Variants in STK32B observed in about 807,000 individuals in gnomAD.
The protein encoded by STK32B is serine/threonine-protein kinase 32B.
A neutral mutation model predicts 52.6 loss-of-function variants in STK32B; 43 were observed. The ratio of observed to expected loss-of-function variants is 0.82; its 90% confidence interval spans 0.64 to 1.05. The LOEUF (loss-of-function observed/expected upper bound fraction) is 1.05, where lower values mean the gene tolerates loss of function less well. STK32B is among the 50% of genes least tolerant of loss of function. The pLI is 0.00. For synonymous variants in STK32B, 238 were observed against 204.3 expected (o/e 1.17, Z -1.41); for missense variants, 621 against 534.6 (o/e 1.16, Z -1.59).
At chr4:5,117,228 G>T (rs1714779339) in intron 1 of STK32B, among the ~76,000 whole-genome samples, 1 of 152,200 alleles carries the variant, frequency 6.6e-6, no homozygotes, top group South Asian at 2.1e-4. Context: ...GGTCTTAGAG[G>T]AAAGAGCCTT....
rs1008402840 is a variant in STK32B, at chr4:5,380,360, G to T, written c.435-17847G>T. Among the ~76,000 whole-genome samples the T allele has an allele frequency of 3.3e-5, 5 of 152,020 alleles. No homozygotes were observed. The highest frequency in any genetic ancestry group is 7.4e-5 in the Non-Finnish European group (5 of 68,012). On this transcript the variant is annotated intron_variant, in intron 4 of 11. Coordinates refer to ENST00000282908, the MANE Select transcript of STK32B (RefSeq NM_018401.3). This position sits in a 1 kb window ranked among gnomAD's most constrained non-coding sequence, Gnocchi z 4.3. ...AACGCTACCCAAGAGAATGCAAAAG[G>T]CCAGGCTTCTGCATTTAAAATTATA...
At chr4:5,110,302 C>T (rs1331479689) in intron 1 of STK32B, among the ~76,000 whole-genome samples, 1 of 140,906 alleles carries the variant, frequency 7.1e-6, no homozygotes, top group Non-Finnish European at 1.5e-5. Context: ...CGCAAATGAC[C>T]AAAGCACTCC....
intron 3 of STK32B, among the ~76,000 whole-genome samples, chr4:5,291,232 G>A (rs1728874880): frequency 6.6e-6 from 1 of 152,092 alleles, no homozygotes; most frequent in African/African-American, 2.4e-5. Flanking sequence ...GAAAATAATT[G>A]TGTTGAATCT....
intron 6 of STK32B, among the ~76,000 whole-genome samples, chr4:5,445,973 T>C (rs1477310941): frequency 6.6e-6 from 1 of 152,102 alleles, no homozygotes; most frequent in Non-Finnish European, 1.5e-5. Context: ...TAAGTGTCCA[T>C]TTCTCAAGGT....
chr4:5,028,635 T>C, the STK32B span, among the ~76,000 whole-genome samples: 1 of 152,196 alleles, frequency 6.6e-6, no homozygotes, highest in Non-Finnish European at 1.5e-5. Context: ...ATTCATGTGG[T>C]TGATGCTCTA....
At chr4:5,192,753 C>CCT (rs10671286) in intron 3 of STK32B, among the ~76,000 whole-genome samples, 1 of 151,302 alleles carries the variant, frequency 6.6e-6, no homozygotes, top group Non-Finnish European at 1.5e-5. Context: ...GTTCTACTCT[C>CCT]GGCAAATTTC....
intron 3 of STK32B, among the ~76,000 whole-genome samples, chr4:5,242,514 C>T (rs1324121766): frequency 6.6e-6 from 1 of 152,036 alleles, no homozygotes; most frequent in Non-Finnish European, 1.5e-5. Context: ...AAATTTTCTC[C>T]CATTCTGTGG....
chr4:5,453,507 C>G lies in STK32B; in HGVS notation c.667-3300C>G, dbSNP rs1197888257. On this transcript the variant is annotated intron_variant, in intron 7 of 11. Transcript: ENST00000282908. The surrounding 1 kb of genome is among the most constrained non-coding windows in gnomAD (Gnocchi z 4.0). ...TGAAATGAGGGATGAAGTGCCCCAT[C>G]ATTGTCCAGGGTCTTTGCACCTCCT... 2.0e-5 allele frequency among the ~76,000 whole-genome samples: 3 copies of G among 152,204 alleles called. No homozygotes were observed. Among genetic ancestry groups the G allele is most frequent in the African/African-American group, 7.2e-5 (3 of 41,518 alleles).
chr4:5,320,542 CA>C (rs1731419488), intron 3 of STK32B, among the ~76,000 whole-genome samples: 1 of 152,110 alleles, frequency 6.6e-6, no homozygotes. Context: ...ACATTTTTAA[CA>C]ATGTGATATC....
intron 3 of STK32B, among the ~76,000 whole-genome samples, chr4:5,314,020 A>G (rs1730489286): frequency 6.6e-6 from 1 of 152,218 alleles, no homozygotes; most frequent in African/African-American, 2.4e-5. Context: ...GATTTAATGC[A>G]ATTGCTATGA....
intron 4 of STK32B, among the ~76,000 whole-genome samples, chr4:5,397,053 G>T (rs1026211723): frequency 2.6e-5 from 4 of 152,124 alleles, no homozygotes; most frequent in Non-Finnish European, 4.4e-5. Context: ...TAGGTTGAGC[G>T]CTTCTTTCAT....
At chr4:5,374,521 T>C (rs1240792469) in intron 4 of STK32B, among the ~76,000 whole-genome samples, 1 of 152,096 alleles carries the variant, frequency 6.6e-6, no homozygotes, top group Admixed American at 6.6e-5. Flanking sequence ...ACAACAGAAA[T>C]CTATTTCTCA....
chr4:5,126,436 A>T (rs183651395), intron 1 of STK32B, among the ~76,000 whole-genome samples: 89 of 152,254 alleles, frequency 5.8e-4, no homozygotes, highest in African/African-American at 2.0e-3. Context: ...CTTATCTGGG[A>T]GTTGGCTGGT....
At chr4:5,114,564 A>G (rs6446322) in intron 1 of STK32B, among the ~76,000 whole-genome samples, 6,802 of 152,212 alleles carry the variant, frequency 0.045, 442 homozygotes, top group African/African-American at 0.14. Context: ...AATAAATAAA[A>G]GGTCCTTCTG....
At chr4:5,176,484 C>T (rs1248725605) in intron 3 of STK32B, among the ~76,000 whole-genome samples, 3 of 145,094 alleles carry the variant, frequency 2.1e-5, no homozygotes, top group Non-Finnish European at 4.5e-5. Context: ...ACTCTTGTCA[C>T]CCAGGCTGGA....
chr4:5,275,776 G>C (rs57219957), intron 3 of STK32B, among the ~76,000 whole-genome samples: 21,199 of 151,900 alleles, frequency 0.14, 3,439 homozygotes, highest in African/African-American at 0.39. Flanking sequence ...TGAGAGTGGC[G>C]CACACTGAGT....
intron 1 of STK32B, among the ~76,000 whole-genome samples, chr4:5,056,237 C>G (rs1490528793): frequency 3.3e-5 from 5 of 152,166 alleles, no homozygotes. Context: ...ACTATCCTCC[C>G]TCTGTCCATA....
At chr4:5,477,429 A>C (rs1459541745) in intron 11 of STK32B, among the ~76,000 whole-genome samples, 1 of 152,196 alleles carries the variant, frequency 6.6e-6, no homozygotes, top group Non-Finnish European at 1.5e-5. Context: ...CTAGAGACAC[A>C]GTCTAGAGGT....
At chr4:5,186,914 GCAGGATTGGCAGCTGTGAGTGTGGGTCA>G (rs1720787682) in intron 3 of STK32B, among the ~76,000 whole-genome samples, 1 of 152,200 alleles carries the variant, frequency 6.6e-6, no homozygotes, top group Admixed American at 6.5e-5. Flanking sequence ...TCTTCAGGGG[GCAGGATTGGCAGCTGTGAGTGTGGGTCA>G]CAGGATGCAC....
Sources: gnomAD v4.1 joint callset for allele counts (sites outside exome capture counted in the v4.1 genomes callset) on GRCh38, gnomAD v4.1.1 for gene constraint, Gnocchi (gnomAD v3.1) non-coding constraint, MANE v1.5 for transcripts, NCBI Gene and HGNC (gene_info 2026-07-23, HGNC 2026-07-21) for gene names.